HAAO: variants seen among roughly 807,000 people sequenced by gnomAD.
HAAO encodes the protein 3-hydroxyanthranilate oxygenase.
HAAO carries 49 observed loss-of-function variants against 46.2 expected under a neutral mutation model. That is an observed-to-expected ratio of 1.06 (90% CI 0.84 to 1.34). The LOEUF (loss-of-function observed/expected upper bound fraction) is 1.34. Among genes scored for constraint, HAAO ranks in the 40% most tolerant of loss-of-function variants. HAAO has a pLI of 0.00. For missense variants in HAAO, 408 were observed against 364.5 expected (o/e 1.12, Z -0.97); for synonymous variants, 157 against 145.2 (o/e 1.08, Z -0.58).
At chr2:42,774,996 C>T (rs1328838939) in intron 4 of HAAO, among the ~76,000 whole-genome samples, 2 of 152,088 alleles carry the variant, frequency 1.3e-5, no homozygotes, top group South Asian at 2.1e-4. Context: ...CACCTGTAAT[C>T]CCAGCACTTT....
rs375831654 is a variant in HAAO, at chr2:42,789,148, G to A, written c.81-541C>T. 3 of 167,410 alleles carry A rather than the reference G, an allele frequency of 1.8e-5. No homozygotes were observed. The South Asian group carries it at 5.1e-4, about 29-fold the overall frequency. The allele number at this position is 167,410 out of a possible 1,614,324, so 10.4% of individuals were successfully genotyped here. The stretch of plus-strand genomic sequence containing the variant: ...ATGTGTTTATAAGCACAGGCCCTGG[G>A]GCATGTTACTAACCTTATCTGTAAA... On this transcript the variant is annotated intron_variant, in intron 1 of 9. Coordinates refer to ENST00000294973, the MANE Select transcript of HAAO (RefSeq NM_012205.3).
rs778987144 is a variant in HAAO at position 42,792,513 on chromosome 2, C to G, written c.24G>C (p.Arg8Ser). MERRLGV[R>S]AWVKENRGSF... is the part of the protein sequence containing the mutation. ...AGCCCCGGTTCTCCTTCACCCAGGC[C>G]CTCACTCCCAGGCGGCGCTCCATGA... Residue 8 changes from arginine (R) to serine (S), a missense_variant, in exon 1 of 10, where the codon AGG (arginine) becomes AGC (serine). Arg to Ser is a moderately radical substitution (Grantham distance 110, BLOSUM62 -1). Coordinates refer to ENST00000294973, the MANE Select transcript of HAAO (RefSeq NM_012205.3). The G allele has an allele frequency of 1.3e-6, 2 of 1,592,860 alleles. No homozygotes were observed. The highest frequency in any genetic ancestry group is 8.5e-7 in the Non-Finnish European group (1 of 1,170,304).
At position 42,786,781 on chromosome 2, in the gene HAAO, A is replaced by T. The variant is rs146842888; in HGVS notation, c.159+1748T>A. On this transcript the variant is annotated intron_variant, in intron 2 of 9. Coordinates refer to ENST00000294973, the MANE Select transcript of HAAO (RefSeq NM_012205.3). ...GTGGGGAGCCGGGCCAGGGAGCTGG[A>T]GGTACCCTGACCGCTATTGCAGAGG... Among the ~76,000 whole-genome samples, 10 of 152,296 alleles carry T rather than the reference A, an allele frequency of 6.6e-5. No individual in the cohort carries two copies. The East Asian group carries it at 1.7e-3, about 26-fold the overall frequency.
At chr2:42,775,734 T>TA (rs1671516904) in intron 4 of HAAO, among the ~76,000 whole-genome samples, 1 of 152,086 alleles carries the variant, frequency 6.6e-6, no homozygotes. Flanking sequence ...TGGGGTTTCT[T>TA]AAAGAAAATG....
At chr2:42,774,757 G>A (rs1671410484) in intron 4 of HAAO, among the ~76,000 whole-genome samples, 2 of 151,672 alleles carry the variant, frequency 1.3e-5, no homozygotes, top group Admixed American at 6.6e-5. Flanking sequence ...GATCATAGAA[G>A]CTGCGCGATT....
intron 4 of HAAO, among the ~76,000 whole-genome samples, chr2:42,776,159 C>T (rs993702785): frequency 2.4e-4 from 35 of 146,316 alleles, no homozygotes; most frequent in African/African-American, 8.1e-4. Context: ...TGGTCCCTAT[C>T]TAAATAAAAT....
chr2:42,789,880 G>A (rs1672659332), intron 1 of HAAO, among the ~76,000 whole-genome samples: 1 of 152,268 alleles, frequency 6.6e-6, no homozygotes, highest in Non-Finnish European at 1.5e-5. Context: ...AGACACTGGG[G>A]TGAATAAGCA....
intron 4 of HAAO, among the ~76,000 whole-genome samples, chr2:42,778,355 G>C (rs535260377): frequency 5.3e-5 from 8 of 151,660 alleles, no homozygotes; most frequent in Non-Finnish European, 1.0e-4. Flanking sequence ...TTGACATGGA[G>C]TCTTGCACTG....
At chr2:42,783,549 C>T in intron 3 of HAAO, 129 bp from the exon 4 acceptor site, 1 of 689,432 alleles carries the variant, frequency 1.5e-6, no homozygotes, top group South Asian at 1.7e-5. Context: ...TACCCTGGGC[C>T]CTCTTCTCTG....
intron 6 of HAAO, 56 bp downstream of exon 6, chr2:42,770,087 A>C: frequency 1.3e-6 from 2 of 1,517,928 alleles, no homozygotes; most frequent in Non-Finnish European, 1.8e-6. Context: ...ACCAAAACCC[A>C]TCCTATTTTG....
At position 42,767,133 on chromosome 2, in the gene HAAO, A is replaced by C; in HGVS notation, c.*304T>G. The C allele has an allele frequency of 2.0e-6, 1 of 490,640 alleles. No homozygotes were observed. 30.4% of individuals were successfully genotyped at this position (490,640 alleles called of 1,614,324 possible). On this transcript the variant is annotated 3_prime_UTR_variant, in exon 10 of 10. Transcript: ENST00000294973. ...TTATTGAGGGCCTTCTTGGTGTGGA[A>C]GTGCTGCACTGAGTCTGCAGGGACA...
chr2:42,774,015 T>C (rs756774274), intron 4 of HAAO, among the ~76,000 whole-genome samples: 22 of 152,236 alleles, frequency 1.4e-4, no homozygotes, highest in Non-Finnish European at 2.8e-4. Context: ...TTTCTACCTA[T>C]GACCTAGAAG....
intron 2 of HAAO, among the ~76,000 whole-genome samples, chr2:42,788,216 C>T (rs1183722460): frequency 6.6e-6 from 1 of 152,196 alleles, no homozygotes; most frequent in Non-Finnish European, 1.5e-5. Context: ...CCAGGACGTC[C>T]CCCTTCACAT....
At chr2:42,768,482 A>G (rs942714415) in intron 7 of HAAO, among the ~76,000 whole-genome samples, 1 of 152,126 alleles carries the variant, frequency 6.6e-6, no homozygotes, top group African/African-American at 2.4e-5. Context: ...GCTGAGTGGT[A>G]CTGCTGTGAC....
chr2:42,769,876 C>T lies in HAAO; in HGVS notation c.485-18G>A. ...CAGCTGGTCTGCACCCACAGCATGA[C>T]TATAGTCGGTGTCCTCAGGACCCAG... On this transcript the variant is annotated intron_variant, in intron 6 of 9. Transcript: ENST00000294973. 1 of 1,595,782 alleles carries T rather than the reference C, an allele frequency of 6.3e-7. No individual in the cohort carries two copies. The highest frequency in any genetic ancestry group is 8.5e-7 in the Non-Finnish European group (1 of 1,171,122).
At chr2:42,770,382 G>A (rs1290773180) in intron 5 of HAAO, 111 bp downstream of exon 5, 1 of 952,454 alleles carries the variant, frequency 1.0e-6, no homozygotes. Flanking sequence ...CTGGCAGTGG[G>A]CTCTCTGGGC....
At chr2:42,787,892 C>G (rs759683049) in intron 2 of HAAO, among the ~76,000 whole-genome samples, 1 of 152,156 alleles carries the variant, frequency 6.6e-6, no homozygotes, top group African/African-American at 2.4e-5. Flanking sequence ...GAAGCACAGT[C>G]CAAACTTCAA....
At chr2:42,788,713 A>T in intron 1 of HAAO, 106 bp from the exon 2 acceptor site, 1 of 777,710 alleles carries the variant, frequency 1.3e-6, no homozygotes, top group South Asian at 1.4e-5. Flanking sequence ...CTGGGAGAGG[A>T]GCAGGGCTGT....
At chr2:42,786,672 C>G (rs1225403264) in intron 2 of HAAO, among the ~76,000 whole-genome samples, 1 of 152,174 alleles carries the variant, frequency 6.6e-6, no homozygotes, top group African/African-American at 2.4e-5. Context: ...AATGCAAGTT[C>G]ATCTGCCTCT....
Sources: allele counts gnomAD v4.1 joint callset (sites outside exome capture counted in the v4.1 genomes callset), GRCh38; gene constraint gnomAD v4.1.1; transcripts MANE v1.5; gene names NCBI Gene and HGNC (gene_info 2026-07-23, HGNC 2026-07-21).